CTSO: variants seen among roughly 807,000 people sequenced by gnomAD.
The protein encoded by CTSO is cathepsin O.
In CTSO, 40 loss-of-function variants were observed where a neutral mutation model predicts 42.4. The observed-to-expected ratio is 0.94, with a 90% CI of 0.73 to 1.23. The LOEUF is 1.23. CTSO is among the 50% of genes most tolerant of loss of function. The probability of loss-of-function intolerance (pLI) is 0.00; values close to 1 mark genes in which losing one functional copy is unlikely to be tolerated. For missense variants in CTSO, 441 were observed against 396.0 expected (o/e 1.11, Z -0.96); for synonymous variants, 156 against 146.2 (o/e 1.07, Z -0.48).
In CTSO at chr4:155,926,013, T is replaced by C. The variant is rs1472904280; in HGVS notation, c.*23A>G. The C allele has an allele frequency of 6.3e-7, 1 of 1,597,858 alleles. No homozygotes were observed. Among genetic ancestry groups the C allele is most frequent in the Non-Finnish European group, 8.5e-7 (1 of 1,170,672 alleles). On this transcript the variant is annotated 3_prime_UTR_variant, in exon 8 of 8. Transcript: ENST00000433477. ...TTATGAAAACCTTCATTTTTGTAGC[T>C]GTCTCTTGATCTGCCCAACATGTCA...
chr4:155,934,681 T>G (rs1743299913), intron 5 of CTSO, among the ~76,000 whole-genome samples: 1 of 152,206 alleles, frequency 6.6e-6, no homozygotes, highest in Non-Finnish European at 1.5e-5. Flanking sequence ...AAAATTTGAC[T>G]GCCTGCTGGA....
intron 1 of CTSO, among the ~76,000 whole-genome samples, chr4:155,946,437 C>G (rs188598159): frequency 6.6e-6 from 1 of 152,178 alleles, no homozygotes; most frequent in East Asian, 1.9e-4. Flanking sequence ...ATTCCAATAA[C>G]AGTTACTTGG....
chr4:155,927,787 G>C (rs1743156923), intron 7 of CTSO, among the ~76,000 whole-genome samples: 1 of 151,464 alleles, frequency 6.6e-6, no homozygotes, highest in African/African-American at 2.4e-5. Flanking sequence ...AAAAAAAAAA[G>C]TTGTCACTCA....
chr4:155,928,163 C>A (rs1743163653), intron 7 of CTSO, among the ~76,000 whole-genome samples, 173 bp downstream of exon 7: 1 of 150,958 alleles, frequency 6.6e-6, no homozygotes, highest in Admixed American at 6.7e-5. Flanking sequence ...CTTCCTTTTT[C>A]AAATACTAAT....
Position 155,939,438 on chromosome 4 carries a change from T to C in CTSO, c.485A>G (p.Asp162Gly). Residue 162 changes from aspartate to glycine, a missense_variant, in exon 4 of 8, where the codon GAC (aspartate) becomes GGC (glycine). Transcript: ENST00000433477. ...LEDLSVQQVIDCSYNNYGCNG... is the reference protein window; with the variant it reads ...LEDLSVQQVIGCSYNNYGCNG... ...GCAGCCATAATTATTATACGAACAG[T>C]CAATGACCTGCTGGACACTTAGGTC... 6.2e-7 allele frequency: 1 copy of C among 1,614,168 alleles called. No individual in the cohort carries two copies. The highest frequency in any genetic ancestry group is 8.5e-7 in the Non-Finnish European group (1 of 1,180,010).
Position 155,939,286 on chromosome 4 carries a change from T to C in CTSO, c.552+85A>G, listed in dbSNP as rs1053890291. The C allele has an allele frequency of 4.2e-6, 5 of 1,180,300 alleles. No individual in the cohort carries two copies. The Admixed American group carries it at 6.8e-5, about 16-fold the overall frequency. The allele number at this position is 1,180,300 out of a possible 1,614,324, so 73.1% of individuals were successfully genotyped here. A position where few individuals can be genotyped will look rare whatever the true frequency, so the allele number is the denominator to read the frequency against. ...GAACGTGGAAACATTATTTAATATA[T>C]GTGAACAAACTGTTTGAATTTTGAA... On this transcript the variant is annotated intron_variant, in intron 4 of 7. Transcript: ENST00000433477.
intron 7 of CTSO, 78 bp downstream of exon 7, chr4:155,928,258 G>T: frequency 9.6e-7 from 1 of 1,044,754 alleles, no homozygotes; most frequent in Non-Finnish European, 1.4e-6. Flanking sequence ...AGTGGTTTGA[G>T]TAGATTGTAA....
intron 1 of CTSO, among the ~76,000 whole-genome samples, chr4:155,951,273 A>G (rs1743668746): frequency 6.6e-6 from 1 of 152,168 alleles, no homozygotes. Context: ...TCCCAAAAGG[A>G]TAAGAATACC....
At chr4:155,938,239 T>A (rs1373971248) in intron 4 of CTSO, among the ~76,000 whole-genome samples, 2 of 152,150 alleles carry the variant, frequency 1.3e-5, no homozygotes, top group Non-Finnish European at 2.9e-5. Flanking sequence ...GTCAAATACT[T>A]CATAGTTATC....
Position 155,939,460 on chromosome 4 carries a change from G to A in CTSO, c.463C>T (p.Leu155=). The change falls in exon 4 of 8, where the codon CTA becomes TTA. Residue 155 remains leucine (L), a synonymous_variant. Coordinates refer to ENST00000433477, the MANE Select transcript of CTSO (RefSeq NM_001334.3). ...YAIKGKPLED[L]SVQQVIDCSY... is the part of the protein sequence containing the mutation. ...CAGTCAATGACCTGCTGGACACTTA[G>A]GTCTTCCAGGGGCTTCCCCTTTATT... 1 of 1,614,118 alleles carries A rather than the reference G, an allele frequency of 6.2e-7. No homozygotes were observed. Among genetic ancestry groups the A allele is most frequent in the Non-Finnish European group, 8.5e-7 (1 of 1,180,020 alleles).
chr4:155,953,699 C>A lies in CTSO; in HGVS notation c.135+14G>T, dbSNP rs1359547929. 11 of 1,260,034 alleles carry A rather than the reference C, an allele frequency of 8.7e-6. No homozygotes were observed. Among genetic ancestry groups the A allele is most frequent in the Non-Finnish European group, 1.1e-5 (11 of 1,002,842 alleles). 78.1% of individuals were successfully genotyped at this position (1,260,034 alleles called of 1,614,324 possible). On this transcript the variant is annotated intron_variant, in intron 1 of 7. Coordinates refer to ENST00000433477, the MANE Select transcript of CTSO (RefSeq NM_001334.3). ...GGAGCAGGGACAGATCCCGGGGAGG[C>A]GCGCGCTCGGTACCCGGAAGGCGGC...
Position 155,937,497 on chromosome 4 carries a change from A to G in CTSO, c.553-14T>C, listed in dbSNP as rs1225984260. 1 of 1,610,282 alleles carries G rather than the reference A, an allele frequency of 6.2e-7. No homozygotes were observed. The highest frequency in any genetic ancestry group is 8.5e-7 in the Non-Finnish European group (1 of 1,177,078). ...TTTTACTTGCATCTAAAAGAAAACA[A>G]TCACTGAACATGTTTACTGTCAATT... On this transcript the variant is annotated splice_polypyrimidine_tract_variant and intron_variant, in intron 4 of 7. Transcript: ENST00000433477.
At chr4:155,951,774 T>C (rs1743677854) in intron 1 of CTSO, among the ~76,000 whole-genome samples, 1 of 152,154 alleles carries the variant, frequency 6.6e-6, no homozygotes, top group Non-Finnish European at 1.5e-5. Flanking sequence ...GGCAAGGCCC[T>C]TTCCACCTTT....
chr4:155,927,595 T>C (rs531042863), intron 7 of CTSO, among the ~76,000 whole-genome samples: 21 of 152,058 alleles, frequency 1.4e-4, no homozygotes, highest in South Asian at 2.1e-4. Flanking sequence ...CGGTGAAACC[T>C]CGTCTCTACT....
At chr4:155,945,976 G>A (rs1477642423) in intron 1 of CTSO, among the ~76,000 whole-genome samples, 3 of 151,962 alleles carry the variant, frequency 2.0e-5, no homozygotes, top group Non-Finnish European at 4.4e-5. Context: ...AGACTGGTAC[G>A]CCCTTTCAAG....
rs1743101687 is a variant in CTSO, at chr4:155,924,800, A to G, written c.*1236T>C. On this transcript the variant is annotated 3_prime_UTR_variant, in exon 8 of 8. Coordinates refer to ENST00000433477, the MANE Select transcript of CTSO (RefSeq NM_001334.3). ...GTGTCCTTTCTAGGCACATAGGATC[A>G]TCGATCACTGTGTGGACGCAGGCTA... 1 of 152,188 alleles carries G rather than the reference A, an allele frequency of 6.6e-6. No individual in the cohort carries two copies. The highest frequency in any genetic ancestry group is 6.6e-5 in the Admixed American group (1 of 15,264). The allele number at this position is 152,188 out of a possible 1,614,324, so 9.4% of individuals were successfully genotyped here. A position where few individuals can be genotyped will look rare whatever the true frequency, so the allele number is the denominator to read the frequency against.
In CTSO at chr4:155,945,093, C is replaced by T. The variant is rs557816769; in HGVS notation, c.136-1829G>A. Among the ~76,000 whole-genome samples, 4 of 151,684 alleles carry T rather than the reference C, an allele frequency of 2.6e-5. No homozygotes were observed. The South Asian group carries it at 8.4e-4, about 32-fold the overall frequency. On this transcript the variant is annotated intron_variant, in intron 1 of 7. Transcript: ENST00000433477. ...CCAACATGGTGAAAGCCTGTCTCTA[C>T]TAAAAATACAAAAATTAGCCGGGCG...
chr4:155,953,746 C>A lies in CTSO; in HGVS notation c.102G>T (p.Pro34=). The change falls in exon 1 of 8, where the codon CCG becomes CCT. Residue 34 remains proline (P), a synonymous_variant. Transcript: ENST00000433477. Reference sequence around the variant, plus strand: ...CGGCGGCTTCACGCTCGCGGCTCCGCGGCCAGGTCGGGGTGAAGGGGGCGC... The same window carrying A: ...CGGCGGCTTCACGCTCGCGGCTCCGAGGCCAGGTCGGGGTGAAGGGGGCGC... ...DSRAPFTPTW[P]RSREREAAAF... 2 of 1,281,698 alleles carry A rather than the reference C, an allele frequency of 1.6e-6. No individual in the cohort carries two copies. Among genetic ancestry groups the A allele is most frequent in the South Asian group, 5.2e-5 (2 of 38,446 alleles). The allele number at this position is 1,281,698 out of a possible 1,614,324, so 79.4% of individuals were successfully genotyped here.
chr4:155,939,398 A>G lies in CTSO; in HGVS notation c.525T>C (p.Thr175=), dbSNP rs1158582593. The G allele has an allele frequency of 3.1e-6, 5 of 1,613,996 alleles. No individual in the cohort carries two copies. Among genetic ancestry groups the G allele is most frequent in the Non-Finnish European group, 4.2e-6 (5 of 1,179,882 alleles). The change falls in exon 4 of 8, where the codon ACT becomes ACC. Residue 175 remains threonine, a synonymous_variant. Coordinates refer to ENST00000433477, the MANE Select transcript of CTSO (RefSeq NM_001334.3). The part of the protein sequence containing the change: ...YNNYGCNGGS[T]LNALNWLNKM... ...TGTTTAACCAGTTCAAAGCATTGAGAGTAGAGCCTCCATTGCAGCCATAAT... is the reference window on the plus strand; with the variant it reads ...TGTTTAACCAGTTCAAAGCATTGAGGGTAGAGCCTCCATTGCAGCCATAAT...
Sources: allele counts gnomAD v4.1 joint callset (sites outside exome capture counted in the v4.1 genomes callset), GRCh38; gene constraint gnomAD v4.1.1; transcripts MANE v1.5; gene names NCBI Gene and HGNC (gene_info 2026-07-23, HGNC 2026-07-21).